Variants in SLC8A1 observed in about 807,000 individuals in gnomAD.
SLC8A1 encodes the protein sodium/calcium exchanger 1.
A neutral mutation model predicts 68.3 loss-of-function variants in SLC8A1; 18 were observed. That is an observed-to-expected ratio of 0.26 (90% CI 0.18 to 0.39). SLC8A1 has a LOEUF of 0.39. SLC8A1 is among the 10% of genes least tolerant of loss of function. The pLI is 1.00. For synonymous variants in SLC8A1, 475 were observed against 415.5 expected (o/e 1.14, Z -1.74); for missense variants, 985 against 1,156.7 (o/e 0.85, Z 2.15).
chr2:40,278,336 G>A (rs1302027335), intron 2 of SLC8A1, among the ~76,000 whole-genome samples: 1 of 152,006 alleles, frequency 6.6e-6, no homozygotes, highest in African/African-American at 2.4e-5. Context: ...GGGCATGGTG[G>A]TGCGCACCTG....
intron 2 of SLC8A1, among the ~76,000 whole-genome samples, chr2:40,278,276 C>T (rs1421351184): frequency 6.6e-6 from 1 of 151,978 alleles, no homozygotes; most frequent in Non-Finnish European, 1.5e-5. Context: ...AGAGACCATC[C>T]TGGCCAACAT....
At chr2:40,447,989 G>T (rs1182458525) in intron 1 of SLC8A1, among the ~76,000 whole-genome samples, 1 of 152,076 alleles carries the variant, frequency 6.6e-6, no homozygotes, top group South Asian at 2.1e-4. Context: ...CTCTTGGCTG[G>T]GCAGATCAAA....
intron 2 of SLC8A1, among the ~76,000 whole-genome samples, chr2:40,377,720 C>G (rs1183654315): frequency 1.3e-5 from 2 of 152,072 alleles, no homozygotes; most frequent in East Asian, 3.9e-4. Flanking sequence ...TGAGTGGGAG[C>G]TGGAAGCACT....
intron 2 of SLC8A1, among the ~76,000 whole-genome samples, chr2:40,372,941 T>C (rs1313074537): frequency 2.0e-5 from 3 of 151,890 alleles, no homozygotes; most frequent in Non-Finnish European, 4.4e-5. Flanking sequence ...AAGAGAGGTA[T>C]TATGGGAACA....
chr2:40,424,052 C>T (rs1327152073), intron 2 of SLC8A1, among the ~76,000 whole-genome samples: 2 of 151,898 alleles, frequency 1.3e-5, no homozygotes, highest in Admixed American at 1.3e-4. Flanking sequence ...ATACCTCCAT[C>T]GTATGCTTTA....
At chr2:40,120,281 T>C (rs2036484191) in intron 7 of SLC8A1, among the ~76,000 whole-genome samples, 1 of 152,196 alleles carries the variant, frequency 6.6e-6, no homozygotes, top group African/African-American at 2.4e-5. Context: ...GTGGTTTTAA[T>C]TGGAGTCCAT....
chr2:40,170,285 A>C (rs779871520), intron 4 of SLC8A1: 1 of 1,613,832 alleles, frequency 6.2e-7, no homozygotes, highest in Non-Finnish European at 8.5e-7. Context: ...GAGTACCTGC[A>C]ATGGTGATTA....
At chr2:40,185,609 G>A (rs538558743) in intron 2 of SLC8A1, among the ~76,000 whole-genome samples, 21 of 152,078 alleles carry the variant, frequency 1.4e-4, no homozygotes, top group African/African-American at 4.1e-4. Context: ...AAGGCCGGGT[G>A]GGGTGGAGGG....
chr2:40,210,684 T>C (rs980209311), intron 2 of SLC8A1, among the ~76,000 whole-genome samples: 5 of 152,170 alleles, frequency 3.3e-5, no homozygotes, highest in African/African-American at 9.7e-5. Context: ...AAATTCAGTA[T>C]TATCTAATGA....
chr2:40,369,851 C>A (rs576453093), intron 2 of SLC8A1, among the ~76,000 whole-genome samples: 1 of 149,024 alleles, frequency 6.7e-6, no homozygotes, highest in South Asian at 2.1e-4. Flanking sequence ...CCTATGACCA[C>A]TGCTGGTGTA....
chr2:40,477,216 G>A (rs1306979048), intron 1 of SLC8A1, among the ~76,000 whole-genome samples: 3 of 151,556 alleles, frequency 2.0e-5, no homozygotes, highest in Non-Finnish European at 4.4e-5. Flanking sequence ...ATTTTTAGTA[G>A]TCTGAACTAC....
chr2:40,499,847 T>A (rs1263955190), intron 1 of SLC8A1, among the ~76,000 whole-genome samples: 1 of 152,086 alleles, frequency 6.6e-6, no homozygotes, highest in African/African-American at 2.4e-5. Flanking sequence ...TCATCCCAAG[T>A]CCTTGCTGGA....
At chr2:40,189,083 TC>T (rs1573795500) in intron 2 of SLC8A1, among the ~76,000 whole-genome samples, 1 of 152,182 alleles carries the variant, frequency 6.6e-6, no homozygotes, top group East Asian at 1.9e-4. Flanking sequence ...ATACCAGATT[TC>T]TTTTTTTAAA....
chr2:40,473,243 T>TA, intron 1 of SLC8A1, among the ~76,000 whole-genome samples: 1 of 152,028 alleles, frequency 6.6e-6, no homozygotes, highest in Non-Finnish European at 1.5e-5. Flanking sequence ...CATAGAAAAA[T>TA]ACCTAATTAT....
At chr2:40,337,401 A>G (rs975796894) in intron 2 of SLC8A1, 2 of 287,484 alleles carry the variant, frequency 7.0e-6, no homozygotes, top group African/African-American at 4.3e-5. Flanking sequence ...AGGACCCTAA[A>G]TTCTATAAAC....
chr2:40,391,450 G>T (rs1685234632), intron 2 of SLC8A1, among the ~76,000 whole-genome samples: 1 of 151,120 alleles, frequency 6.6e-6, no homozygotes, highest in Non-Finnish European at 1.5e-5. Context: ...AATTGTTCTG[G>T]CTGGTGGCAA....
intron 2 of SLC8A1, among the ~76,000 whole-genome samples, chr2:40,326,325 G>C (rs2075821215): frequency 6.6e-6 from 1 of 151,998 alleles, no homozygotes; most frequent in African/African-American, 2.4e-5. Flanking sequence ...TAAATCAAGA[G>C]AACAGATCTC....
At chr2:40,463,052 A>C (rs533681069) in intron 1 of SLC8A1, among the ~76,000 whole-genome samples, 1 of 152,308 alleles carries the variant, frequency 6.6e-6, no homozygotes, top group African/African-American at 2.4e-5. Flanking sequence ...AAGAAAACTA[A>C]CCAAATTACA....
At chr2:40,370,044 G>C (rs1677542087) in intron 2 of SLC8A1, among the ~76,000 whole-genome samples, 1 of 152,130 alleles carries the variant, frequency 6.6e-6, no homozygotes, top group Non-Finnish European at 1.5e-5. Flanking sequence ...GTTGCTGTTA[G>C]TCTTAGCAAA....
Sources: gnomAD v4.1 joint callset for allele counts (sites outside exome capture counted in the v4.1 genomes callset) on GRCh38, gnomAD v4.1.1 for gene constraint, MANE v1.5 for transcripts, NCBI Gene and HGNC (gene_info 2026-07-23, HGNC 2026-07-21) for gene names.